RBM15: variants seen among roughly 807,000 people sequenced by gnomAD.
RBM15 encodes the protein RNA binding motif protein 15.
In RBM15, 8 loss-of-function variants were observed where a neutral mutation model predicts 62.6. The observed-to-expected ratio is 0.13, with a 90% CI of 0.07 to 0.23. The LOEUF (loss-of-function observed/expected upper bound fraction) is 0.23. Ranked by LOEUF, RBM15 falls within the 10% of genes least tolerant of loss-of-function variation. The pLI, the probability that RBM15 is intolerant of heterozygous loss-of-function variation, is 1.00. For missense variants in RBM15, 1,144 were observed against 1,286.5 expected, an observed-to-expected ratio of 0.89 and a Z score of 1.69; for synonymous variants, 606 against 505.7, an observed-to-expected ratio of 1.20 and a Z score of -2.66.
rs779380670 is a variant in RBM15, at chr1:110,341,242, A to G, written c.1837A>G (p.Ser613Gly). The G allele has an allele frequency of 2.5e-6, 4 of 1,614,044 alleles. No individual in the cohort carries two copies. Among genetic ancestry groups the G allele is most frequent in the Non-Finnish European group, 8.5e-7 (1 of 1,180,046 alleles). ...TGTGCCTGCTTACGAGCCACTGGAT[A>G]GCCTAGATCGCAGGCGGGATGGTTG... ...TSVPAYEPLD[S>G]LDRRRDGWSL... The change falls in exon 1 of 3, where the codon AGC (serine) becomes GGC (glycine). Residue 613 changes from serine (S) to glycine (G), a missense_variant. By Grantham distance (56) the Ser-to-Gly change is moderately conservative (BLOSUM62 0). This residue lies in a region of RBM15 where 360 missense variants were observed against 342.9 expected (regional missense o/e 1.05). Coordinates refer to ENST00000369784, the MANE Select transcript of RBM15 (RefSeq NM_022768.5). The surrounding 1 kb of genome is among the most constrained non-coding windows in gnomAD (Gnocchi z 4.5).
At position 110,339,511 on chromosome 1, in the gene RBM15, G is replaced by A; in HGVS notation, c.106G>A (p.Gly36Arg). The change falls in exon 1 of 3, where the codon GGA (glycine) becomes AGA (arginine). Residue 36 changes from glycine (G) to arginine (R), a missense_variant. Physicochemically the swap from Gly to Arg is moderately radical, Grantham distance 125. Transcript: ENST00000369784. ...SAGRRVTQLRGDDLRRPATMK... is the reference protein window; with the variant it reads ...SAGRRVTQLRRDDLRRPATMK... ...GGGGCGGCGGGTTACTCAGCTCCGC[G>A]GAGACGACCTCCGACGACCCGCAAC... 2 of 1,598,314 alleles carry A rather than the reference G, an allele frequency of 1.3e-6. No individual in the cohort carries two copies. Among genetic ancestry groups the A allele is most frequent in the Non-Finnish European group, 1.7e-6 (2 of 1,169,630 alleles).
chr1:110,341,835 C>G lies in RBM15; in HGVS notation c.2430C>G (p.Leu810=). The G allele has an allele frequency of 6.2e-7, 1 of 1,614,190 alleles. No individual in the cohort carries two copies. The highest frequency in any genetic ancestry group is 8.5e-7 in the Non-Finnish European group (1 of 1,180,030). The part of the protein sequence containing the change: ...PSNMHLLQGD[L]QVASSLLVEG... ...ACATGCATCTGTTGCAGGGTGACCT[C>G]CAAGTGGCTAGTAGTCTTCTTGTGG... The change falls in exon 1 of 3, where the codon CTC becomes CTG. Residue 810 remains leucine (L), a synonymous_variant. Coordinates refer to ENST00000369784, the MANE Select transcript of RBM15 (RefSeq NM_022768.5). This position sits in a 1 kb window ranked among gnomAD's most constrained non-coding sequence, Gnocchi z 4.5.
At position 110,345,249 on chromosome 1, in the gene RBM15, T is replaced by C. The variant is rs574705327; in HGVS notation, c.2864-290T>C. 4.6e-5 allele frequency among the ~76,000 whole-genome samples: 7 copies of C among 152,326 alleles called. No individual in the cohort carries two copies. In the South Asian group the frequency reaches 6.2e-4, roughly 14 times the overall value. On this transcript the variant is annotated intron_variant, in intron 1 of 2. Coordinates refer to ENST00000369784, the MANE Select transcript of RBM15 (RefSeq NM_022768.5). ...CCAGTAATAAGAGTCAGGTGTTTGG[T>C]TATTGCTTTCAGAGTCAGACATTGT...
rs1392039722 is a variant in RBM15 at position 110,339,457 on chromosome 1, C to T, written c.52C>T (p.Arg18Cys). The change falls in exon 1 of 3, where the codon CGT (arginine) becomes TGT (cysteine). Residue 18 changes from arginine to cysteine, a missense_variant. This residue lies in a region of RBM15 where 298 missense variants were observed against 250.0 expected (regional missense o/e 1.19). Coordinates refer to ENST00000369784, the MANE Select transcript of RBM15 (RefSeq NM_022768.5). Reference protein sequence around the residue: ...PVPRRSPRWRRAVPLCETSAG... With the variant: ...PVPRRSPRWRCAVPLCETSAG... The stretch of plus-strand genomic sequence containing the variant: ...GCCGCGGCGGAGTCCAAGATGGCGG[C>T]GTGCGGTTCCGCTGTGTGAAACGAG... The T allele has an allele frequency of 3.2e-6, 5 of 1,545,028 alleles. No individual in the cohort carries two copies. The highest frequency in any genetic ancestry group is 2.5e-5 in the South Asian group (2 of 81,116).
Position 110,340,397 on chromosome 1 carries a change from G to A in RBM15, c.992G>A (p.Arg331Lys). 1 of 1,614,208 alleles carries A rather than the reference G, an allele frequency of 6.2e-7. No homozygotes were observed. Among genetic ancestry groups the A allele is most frequent in the Non-Finnish European group, 8.5e-7 (1 of 1,180,032 alleles). The change falls in exon 1 of 3, where the codon AGA becomes AAA. Residue 331 changes from arginine (R) to lysine (K), a missense_variant. By Grantham distance (26) the Arg-to-Lys change is conservative (BLOSUM62 2). Around this residue, in one of 8 missense-constraint regions of RBM15, gnomAD observed 188 missense variants for 185.6 expected, o/e 1.01. Transcript: ENST00000369784. The surrounding 1 kb of genome is among the most constrained non-coding windows in gnomAD (Gnocchi z 5.8). Reference protein sequence around the residue: ...PPLPRDLERERDYPFYERVRP... With the variant: ...PPLPRDLEREKDYPFYERVRP... The stretch of plus-strand genomic sequence containing the variant: ...TTGCCTCGAGACCTGGAGAGAGAAA[G>A]AGACTACCCGTTCTATGAGAGAGTG...
At chr1:110,345,516 T>G in intron 1 of RBM15, 23 bp from the exon 2 acceptor site, 2 of 1,541,616 alleles carry the variant, frequency 1.3e-6, no homozygotes, top group African/African-American at 2.7e-5. Flanking sequence ...TTCTGGACAT[T>G]TTTTTTTCTG....
chr1:110,344,481 T>C (rs1660862320), intron 1 of RBM15, among the ~76,000 whole-genome samples: 1 of 152,178 alleles, frequency 6.6e-6, no homozygotes, highest in South Asian at 2.1e-4. Context: ...TGTTTGAATC[T>C]TTACCTGACA....
chr1:110,340,176 C>T lies in RBM15; in HGVS notation c.771C>T (p.Ser257=), dbSNP rs1417148780. Residue 257 remains serine, a synonymous_variant, in exon 1 of 3, where the codon AGC becomes AGT. Coordinates refer to ENST00000369784, the MANE Select transcript of RBM15 (RefSeq NM_022768.5). The surrounding 1 kb of genome is among the most constrained non-coding windows in gnomAD (Gnocchi z 5.8). ...CTGTGTATGTGAGCCGGCGCCGCAG[C>T]CGCTCCCCTTTAGACAAAGATACTT... The part of the protein sequence containing the change: ...IEAVYVSRRR[S]RSPLDKDTYP... 6.2e-7 allele frequency: 1 copy of T among 1,614,078 alleles called. No individual in the cohort carries two copies. The highest frequency in any genetic ancestry group is 1.7e-5 in the Admixed American group (1 of 60,028).
chr1:110,343,605 T>A (rs1466596479), intron 1 of RBM15, among the ~76,000 whole-genome samples: 1 of 152,024 alleles, frequency 6.6e-6, no homozygotes, highest in African/African-American at 2.4e-5. Context: ...TTTTTTTTTT[T>A]AATCTATCCC....
chr1:110,345,147 G>A (rs774994683), intron 1 of RBM15, among the ~76,000 whole-genome samples: 2 of 152,080 alleles, frequency 1.3e-5, no homozygotes, highest in Non-Finnish European at 2.9e-5. Context: ...TCGCCTGGCT[G>A]GTTATAAGCA....
In RBM15 at chr1:110,341,348, G is replaced by A. The variant is rs1660792190; in HGVS notation, c.1943G>A (p.Ser648Asn). The A allele has an allele frequency of 6.2e-7, 1 of 1,614,046 alleles. No individual in the cohort carries two copies. The highest frequency in any genetic ancestry group is 1.3e-5 in the African/African-American group (1 of 74,928). ...AGGAAGCGAAGGCTGCCTGAGGAGA[G>A]TGGAGGACGTCATCTGGATAGGTCT... ...QPRKRRLPEE[S>N]GGRHLDRSPE... Residue 648 changes from serine to asparagine, a missense_variant, in exon 1 of 3, where the codon AGT becomes AAT. By Grantham distance (46) the Ser-to-Asn change is conservative. Around this residue, in one of 8 missense-constraint regions of RBM15, gnomAD observed 360 missense variants for 342.9 expected, o/e 1.05. Coordinates refer to ENST00000369784, the MANE Select transcript of RBM15 (RefSeq NM_022768.5). This position sits in a 1 kb window ranked among gnomAD's most constrained non-coding sequence, Gnocchi z 4.5.
intron 1 of RBM15, among the ~76,000 whole-genome samples, chr1:110,343,894 G>T (rs1660849296): frequency 6.6e-6 from 1 of 152,160 alleles, no homozygotes; most frequent in Non-Finnish European, 1.5e-5. Context: ...CATTATGACA[G>T]GTGTCTAATG....
rs757568755 is a variant in RBM15 at position 110,341,296 on chromosome 1, G to A, written c.1891G>A (p.Asp631Asn). The A allele has an allele frequency of 6.2e-7, 1 of 1,614,132 alleles. No homozygotes were observed. Among genetic ancestry groups the A allele is most frequent in the South Asian group, 1.1e-5 (1 of 91,072 alleles). Residue 631 changes from aspartate to asparagine, a missense_variant, in exon 1 of 3, where the codon GAT becomes AAT. By Grantham distance (23) the Asp-to-Asn change is conservative. Around this residue, in one of 8 missense-constraint regions of RBM15, gnomAD observed 360 missense variants for 342.9 expected, o/e 1.05. Coordinates refer to ENST00000369784, the MANE Select transcript of RBM15 (RefSeq NM_022768.5). This position sits in a 1 kb window ranked among gnomAD's most constrained non-coding sequence, Gnocchi z 4.5. ...CTTGGACCGGGACAGAGGTGATCGA[G>A]ATCTGCCCAGCAGCAGAGACCAGCC... The part of the protein sequence containing the change: ...WSLDRDRGDR[D>N]LPSSRDQPRK...
At position 110,341,670 on chromosome 1, in the gene RBM15, C is replaced by T. The variant is rs1438123888; in HGVS notation, c.2265C>T (p.Ser755=). 6.2e-7 allele frequency: 1 copy of T among 1,614,150 alleles called. No individual in the cohort carries two copies. Among genetic ancestry groups the T allele is most frequent in the Admixed American group, 1.7e-5 (1 of 60,018 alleles). The change falls in exon 1 of 3, where the codon AGC becomes AGT. Residue 755 remains serine (S), a synonymous_variant. Coordinates refer to ENST00000369784, the MANE Select transcript of RBM15 (RefSeq NM_022768.5). This position sits in a 1 kb window ranked among gnomAD's most constrained non-coding sequence, Gnocchi z 4.5. ...KEDRSDGSAP[S]TSTASSKLKS... is the part of the protein sequence containing the mutation. ...ACCGCTCTGATGGGAGTGCACCTAG[C>T]ACCAGCACTGCTTCCTCCAAGCTGA...
rs1557892896 is a variant in RBM15 at position 110,345,543 on chromosome 1, T to A, written c.2868T>A (p.Phe956Leu). The A allele has an allele frequency of 6.2e-7, 1 of 1,607,188 alleles. No homozygotes were observed. Among genetic ancestry groups the A allele is most frequent in the Non-Finnish European group, 8.5e-7 (1 of 1,175,940 alleles). The change falls in exon 2 of 3, where the codon TTT becomes TTA. Residue 956 changes from phenylalanine (F) to leucine (L), a missense_variant. Around this residue, in one of 8 missense-constraint regions of RBM15, gnomAD observed 144 missense variants for 223.3 expected, o/e 0.64. Transcript: ENST00000369784. ...TTTTTTCTGTCTCTCTCACAGGGTT[T>A]GGTTTTCAGATAGGAGTTAGGTATG... ...DYLVMIIVRGFGFQIGVRYEN... is the reference protein window; with the variant it reads ...DYLVMIIVRGLGFQIGVRYEN...
At position 110,342,268 on chromosome 1, in the gene RBM15, G is replaced by T. The variant is rs756389203; in HGVS notation, c.2863G>T (p.Gly955Trp). 7 of 1,569,920 alleles carry T rather than the reference G, an allele frequency of 4.5e-6. No homozygotes were observed. Among genetic ancestry groups the T allele is most frequent in the Non-Finnish European group, 5.2e-6 (6 of 1,156,760 alleles). Residue 955 changes from glycine (G) to tryptophan (W), a missense_variant and splice_region_variant, in exon 1 of 3, where the codon GGG becomes TGG. Physicochemically the swap from Gly to Trp is radical, Grantham distance 184. This residue lies in a region of RBM15 where 144 missense variants were observed against 223.3 expected (regional missense o/e 0.64). Transcript: ENST00000369784. The part of the protein sequence containing the change: ...EDYLVMIIVR[G>W]FGFQIGVRYE... ...TTACCTGGTCATGATCATTGTCCGT[G>T]GTGCGTCCTAAAGTCCATGTGTAAC...
At chr1:110,345,980 AATTG>A (rs774001215) in intron 2 of RBM15, among the ~76,000 whole-genome samples, 6 of 152,100 alleles carry the variant, frequency 3.9e-5, no homozygotes, top group African/African-American at 7.2e-5. Context: ...ATAGATTATA[AATTG>A]ATTGTGAAAC....
intron 1 of RBM15, 168 bp downstream of exon 1, chr1:110,342,436 G>GTTTAGCTATTT (rs1236370312): frequency 1.6e-5 from 8 of 512,120 alleles, no homozygotes; most frequent in Non-Finnish European, 2.6e-5. Flanking sequence ...AATCAGGACA[G>GTTTAGCTATTT]TTTAGCTATT....
rs1390769166 is a variant in RBM15 at position 110,341,745 on chromosome 1, C to G, written c.2340C>G (p.Ala780=). 1.9e-6 allele frequency: 3 copies of G among 1,614,064 alleles called. No homozygotes were observed. The highest frequency in any genetic ancestry group is 2.7e-5 in the African/African-American group (2 of 74,912). The change falls in exon 1 of 3, where the codon GCC becomes GCG. Residue 780 remains alanine (A), a synonymous_variant. Transcript: ENST00000369784. The surrounding 1 kb of genome is among the most constrained non-coding windows in gnomAD (Gnocchi z 4.5). ...GGGGGACAGCCCCTGTGGCATCAGC[C>G]TCTCCCAAACTCTGTTTGGCCTGGC... is the stretch of plus-strand genomic sequence containing the variant. ...QDGGTAPVAS[A]SPKLCLAWQG...
Sources: allele counts gnomAD v4.1 joint callset (sites outside exome capture counted in the v4.1 genomes callset), GRCh38; gene constraint gnomAD v4.1.1; regional missense constraint gnomAD v4.1.1; non-coding constraint Gnocchi (gnomAD v3.1); transcripts MANE v1.5; gene names NCBI Gene and HGNC (gene_info 2026-07-23, HGNC 2026-07-21).